TAFA1: variants seen among roughly 807,000 people sequenced by gnomAD.
TAFA1 encodes the protein chemokine-like protein TAFA-1.
Under a neutral mutation model 18.5 loss-of-function variants are expected in TAFA1, and 4 were observed. The observed-to-expected ratio is 0.22, with a 90% confidence interval of 0.11 to 0.49. The LOEUF (loss-of-function observed/expected upper bound fraction) is 0.49. Ranked by LOEUF, TAFA1 falls within the 20% of genes least tolerant of loss-of-function variation. The probability of loss-of-function intolerance (pLI) is 0.98; values close to 1 mark genes in which losing one functional copy is unlikely to be tolerated. For missense variants in TAFA1, 147 were observed against 169.0 expected, an observed-to-expected ratio of 0.87 and a Z score of 0.72; for synonymous variants, 56 against 55.2, an observed-to-expected ratio of 1.01 and a Z score of -0.06.
At chr3:68,395,945 A>C (rs1028408381) in intron 2 of TAFA1, among the ~76,000 whole-genome samples, 3 of 152,036 alleles carry the variant, frequency 2.0e-5, no homozygotes, top group Admixed American at 1.3e-4. Context: ...AAGTATAATA[A>C]TAATAATAAT....
At chr3:68,046,433 A>C (rs192528987) in intron 2 of TAFA1, among the ~76,000 whole-genome samples, 1 of 152,262 alleles carries the variant, frequency 6.6e-6, no homozygotes, top group East Asian at 1.9e-4. Flanking sequence ...TGATGAATAC[A>C]CTCTCTCACA....
At chr3:68,390,480 C>T (rs913870965) in intron 2 of TAFA1, among the ~76,000 whole-genome samples, 1 of 152,230 alleles carries the variant, frequency 6.6e-6, no homozygotes, top group African/African-American at 2.4e-5. Flanking sequence ...AGCAGCAGAT[C>T]TCTCAGCACA....
chr3:68,468,414 A>T (rs193277450), intron 3 of TAFA1, among the ~76,000 whole-genome samples: 1 of 152,334 alleles, frequency 6.6e-6, no homozygotes, highest in Admixed American at 6.5e-5. Flanking sequence ...TGACAGTATC[A>T]TCAAAAGATG....
chr3:68,371,349 G>C (rs903562240), intron 2 of TAFA1, among the ~76,000 whole-genome samples: 5 of 152,040 alleles, frequency 3.3e-5, no homozygotes, highest in African/African-American at 1.2e-4. Flanking sequence ...CATGCATTAG[G>C]TATTTGTCCT....
chr3:68,057,931 G>A (rs1352829698), intron 2 of TAFA1, among the ~76,000 whole-genome samples: 2 of 152,140 alleles, frequency 1.3e-5, no homozygotes, highest in Admixed American at 1.3e-4. Flanking sequence ...GTGCAGCCCT[G>A]CTGACACCTT....
At chr3:68,388,687 ACT>A (rs1221619892) in intron 2 of TAFA1, among the ~76,000 whole-genome samples, 4 of 151,860 alleles carry the variant, frequency 2.6e-5, no homozygotes, top group African/African-American at 9.7e-5. Context: ...ATATTCCAAA[ACT>A]CTGAAACTGA....
intron 3 of TAFA1, among the ~76,000 whole-genome samples, chr3:68,476,815 A>T (rs1167030972): frequency 6.6e-6 from 1 of 152,206 alleles, no homozygotes; most frequent in South Asian, 2.1e-4. Flanking sequence ...AGTTATAACT[A>T]TTAGTGTTTT....
At chr3:68,394,244 G>A (rs2070329244) in intron 2 of TAFA1, among the ~76,000 whole-genome samples, 1 of 152,052 alleles carries the variant, frequency 6.6e-6, no homozygotes, top group South Asian at 2.1e-4. Context: ...CAACTTACAA[G>A]GTGTGTGAAA....
chr3:68,110,207 C>A (rs1294344038), intron 2 of TAFA1, among the ~76,000 whole-genome samples: 1 of 152,134 alleles, frequency 6.6e-6, no homozygotes, highest in Non-Finnish European at 1.5e-5. Context: ...TCAGCTCCCA[C>A]TTAAGTGACA....
chr3:68,158,348 A>G (rs944881067), intron 2 of TAFA1, among the ~76,000 whole-genome samples: 5 of 152,238 alleles, frequency 3.3e-5, no homozygotes, highest in Admixed American at 1.3e-4. Context: ...GAATGTGTGC[A>G]GCATACGGTA....
chr3:68,479,838 AC>A (rs2072194763), intron 3 of TAFA1, among the ~76,000 whole-genome samples: 1 of 152,014 alleles, frequency 6.6e-6, no homozygotes, highest in Non-Finnish European at 1.5e-5. Flanking sequence ...AAACATATAT[AC>A]ATACATGCAC....
intron 2 of TAFA1, among the ~76,000 whole-genome samples, chr3:68,263,286 C>T (rs780844686): frequency 2.6e-5 from 4 of 152,038 alleles, no homozygotes; most frequent in African/African-American, 4.8e-5. Context: ...TTGCTAATAC[C>T]TGACATACAA....
At chr3:68,063,663 G>A (rs1029021456) in intron 2 of TAFA1, among the ~76,000 whole-genome samples, 1 of 152,114 alleles carries the variant, frequency 6.6e-6, no homozygotes, top group African/African-American at 2.4e-5. Flanking sequence ...CAGGTATTTT[G>A]AAATTACAGT....
At chr3:68,458,973 G>T (rs1177957661) in intron 3 of TAFA1, among the ~76,000 whole-genome samples, 3 of 152,150 alleles carry the variant, frequency 2.0e-5, no homozygotes, top group African/African-American at 7.2e-5. Context: ...GCAGGGCAAG[G>T]AAACAGCAAT....
chr3:68,120,241 CTTTCTTTCTTTCTTTCTTT>C (rs2065381356), intron 2 of TAFA1, among the ~76,000 whole-genome samples: 6 of 83,334 alleles, frequency 7.2e-5, no homozygotes, highest in African/African-American at 2.8e-4. Flanking sequence ...TTCTTTCTTT[CTTTCTTTCTTTCTTTCTTT>C]CTTTTTTGAG....
the TAFA1 span, among the ~76,000 whole-genome samples, chr3:67,994,457 T>G: frequency 6.6e-6 from 1 of 152,232 alleles, no homozygotes; most frequent in African/African-American, 2.4e-5. Context: ...TCCATTGTTA[T>G]AGGCTGTGTG....
intron 2 of TAFA1, among the ~76,000 whole-genome samples, chr3:68,296,572 C>T (rs1381667524): frequency 2.6e-5 from 1 of 39,052 alleles, no homozygotes; most frequent in African/African-American, 1.3e-4. Context: ...AAGATACTTA[C>T]TCAAAAAAAA....
intron 2 of TAFA1, among the ~76,000 whole-genome samples, chr3:68,216,897 G>C (rs1295643108): frequency 6.6e-6 from 1 of 152,060 alleles, no homozygotes; most frequent in Non-Finnish European, 1.5e-5. Flanking sequence ...ATATCCATTG[G>C]CTTTACTGAT....
At chr3:68,236,720 T>C (rs1314416177) in intron 2 of TAFA1, among the ~76,000 whole-genome samples, 4 of 152,248 alleles carry the variant, frequency 2.6e-5, no homozygotes, top group Non-Finnish European at 1.5e-5. Flanking sequence ...TTCTTGAAAC[T>C]AAATATCCAT....
Sources: allele counts gnomAD v4.1 joint callset (sites outside exome capture counted in the v4.1 genomes callset), GRCh38; gene constraint gnomAD v4.1.1; transcripts MANE v1.5; gene names NCBI Gene and HGNC (gene_info 2026-07-23, HGNC 2026-07-21).